Variants in ATG16L2 observed in about 807,000 individuals in gnomAD.
ATG16L2 encodes the protein protein Atg16l2.
A neutral mutation model predicts 84.7 loss-of-function variants in ATG16L2; 77 were observed. The observed-to-expected ratio is 0.91, with a 90% CI of 0.76 to 1.10. The LOEUF (loss-of-function observed/expected upper bound fraction) is 1.10, where lower values mean the gene tolerates loss of function less well. ATG16L2 is among the 50% of genes least tolerant of loss of function. The pLI, the probability that ATG16L2 is intolerant of heterozygous loss-of-function variation, is 0.00. For missense variants in ATG16L2, 782 were observed against 817.6 expected, an observed-to-expected ratio of 0.96 and a Z score of 0.53; for synonymous variants, 361 against 342.8, an observed-to-expected ratio of 1.05 and a Z score of -0.59.
rs1476269445 is a variant in ATG16L2, at chr11:72,826,247, AG to A, written c.1173+6del. On this transcript the variant is annotated splice_donor_5th_base_variant and intron_variant, in intron 11 of 17. Transcript: ENST00000321297. Reference sequence around the variant, plus strand: ...CAGTGTGGACTTTGACCCCTCGGTGAGGAACTCTGCCCCAGTGGCATGGGAT... The same window carrying A: ...CAGTGTGGACTTTGACCCCTCGGTGAGAACTCTGCCCCAGTGGCATGGGAT... 6.2e-7 allele frequency: 1 copy of A among 1,613,390 alleles called. No individual in the cohort carries two copies. The highest frequency in any genetic ancestry group is 1.3e-5 in the African/African-American group (1 of 74,918).
At chr11:72,834,556 A>G (rs1390794102), downstream of ATG16L2, among the ~76,000 whole-genome samples, 2 of 151,460 alleles carry the variant, frequency 1.3e-5, no homozygotes, top group Non-Finnish European at 2.9e-5. Flanking sequence ...AGAGTTAGAT[A>G]AGCCCTGGGA....
rs372685355 is a variant in ATG16L2, at chr11:72,841,611, G to A, written c.*22-1006G>A. 40 of 1,568,550 alleles carry A rather than the reference G, an allele frequency of 2.6e-5. 1 individual carries two copies. In the East Asian group the frequency reaches 2.7e-4, roughly 11 times the overall value. On this transcript the variant is annotated intron_variant, in intron 5 of 5. Transcript: ENST00000534905. Reference sequence around the variant, plus strand: ...GCAGCAAAGGGAAGCGAGGTTACCCGGTGCTCCCCTCCAGGAAGGAGAGCC... The same window carrying A: ...GCAGCAAAGGGAAGCGAGGTTACCCAGTGCTCCCCTCCAGGAAGGAGAGCC...
At position 72,829,397 on chromosome 11, in the gene ATG16L2, G is replaced by A. The variant is rs759361205; in HGVS notation, c.*7G>A. The A allele has an allele frequency of 1.2e-5, 20 of 1,608,104 alleles. No individual in the cohort carries two copies. Among genetic ancestry groups the A allele is most frequent in the Middle Eastern group, 2.1e-4 (1 of 4,716 alleles). ...GGTTGTGCTCTGGCAGTAGGGCCACGACCTGCCTGCCTGGGCTGGAGCTCT... is the reference window on the plus strand; with the variant it reads ...GGTTGTGCTCTGGCAGTAGGGCCACAACCTGCCTGCCTGGGCTGGAGCTCT... On this transcript the variant is annotated 3_prime_UTR_variant, in exon 18 of 18. Coordinates refer to ENST00000321297, the MANE Select transcript of ATG16L2 (RefSeq NM_033388.2).
chr11:72,823,975 C>G (rs755734270), intron 7 of ATG16L2, 85 bp from the exon 8 acceptor site: 389 of 1,489,632 alleles, frequency 2.6e-4, no homozygotes, highest in Non-Finnish European at 3.5e-4. Flanking sequence ...GCCTCCAGGT[C>G]TCTGGCAAAG....
rs1273538043 is a variant in ATG16L2, at chr11:72,828,371, C to T, written c.1485C>T (p.Cys495=). 4 of 1,614,028 alleles carry T rather than the reference C, an allele frequency of 2.5e-6. No individual in the cohort carries two copies. The highest frequency in any genetic ancestry group is 1.1e-5 in the South Asian group (1 of 91,090). The part of the protein sequence containing the change: ...IRFWDSRGPH[C]TQVIPVQGRV... ...CCTTGTTCCTCAGGGGGCCCCACTG[C>T]ACCCAGGTCATCCCTGTGCAGGGCC... Residue 495 remains cysteine (C), a synonymous_variant, in exon 15 of 18, where the codon TGC becomes TGT. Transcript: ENST00000321297.
Position 72,828,520 on chromosome 11 carries a change from A to C in ATG16L2, c.1622+12A>C. ...CGCCAGGTGTTCAGGTACCAGCCTC[A>C]TGCCTGCTGACCCTGTGGCCTTTGC... On this transcript the variant is annotated intron_variant, in intron 15 of 17. Transcript: ENST00000321297. 50 of 1,613,474 alleles carry C rather than the reference A, an allele frequency of 3.1e-5. No homozygotes were observed. Among genetic ancestry groups the C allele is most frequent in the Non-Finnish European group, 3.6e-5 (42 of 1,179,412 alleles).
Position 72,824,073 on chromosome 11 carries a change from A to G in ATG16L2, c.838A>G (p.Thr280Ala). ...WKRPFRSASA[T>A]SLTLSHCVDV... ...GTTTTGTCTCAGGTCTGCCTCAGCC[A>G]CCTCCCTGACGCTGTCCCACTGTGT... The change falls in exon 8 of 18, where the codon ACC becomes GCC. Residue 280 changes from threonine to alanine, a missense_variant. Transcript: ENST00000321297. The G allele has an allele frequency of 6.2e-7, 1 of 1,613,928 alleles. No individual in the cohort carries two copies. Among genetic ancestry groups the G allele is most frequent in the South Asian group, 1.1e-5 (1 of 91,068 alleles).
intron 8 of ATG16L2, 114 bp downstream of exon 8, chr11:72,824,236 C>A: frequency 1.5e-6 from 2 of 1,321,896 alleles, no homozygotes; most frequent in Non-Finnish European, 2.2e-6. Context: ...AGCTGTCTGC[C>A]TGTGAGTCTG....
At chr11:72,823,896 G>C in intron 7 of ATG16L2, 164 bp from the exon 8 acceptor site, 1 of 816,790 alleles carries the variant, frequency 1.2e-6, no homozygotes, top group Middle Eastern at 2.2e-4. Context: ...TCCTGGGACT[G>C]ATCTGGGTCA....
At chr11:72,831,318 G>T (rs1047385863), downstream of ATG16L2, among the ~76,000 whole-genome samples, 3 of 152,192 alleles carry the variant, frequency 2.0e-5, no homozygotes, top group African/African-American at 7.2e-5. Flanking sequence ...ACCAACCTGA[G>T]CAACATAGTG....
intron 1 of ATG16L2, chr11:72,816,112 G>A (rs552011029): frequency 6.5e-6 from 1 of 152,678 alleles, no homozygotes; most frequent in African/African-American, 2.4e-5. Flanking sequence ...CCGAGTAGCT[G>A]GGACTACAGG....
chr11:72,814,702 C>A, intron 1 of ATG16L2, 139 bp downstream of exon 1: 1 of 614,732 alleles, frequency 1.6e-6, no homozygotes, highest in Non-Finnish European at 2.5e-6. Flanking sequence ...TACGCCCATC[C>A]CGACTGCCAG....
Position 72,822,302 on chromosome 11 carries a change from G to C in ATG16L2, c.644+7G>C, listed in dbSNP as rs1278721146. The C allele has an allele frequency of 2.0e-6, 3 of 1,516,246 alleles. No individual in the cohort carries two copies. In the Admixed American group the frequency reaches 6.7e-5, roughly 34 times the overall value. 93.9% of individuals were successfully genotyped at this position (1,516,246 alleles called of 1,614,324 possible). On this transcript the variant is annotated splice_region_variant and intron_variant, in intron 5 of 17. Transcript: ENST00000321297. This position sits in a 1 kb window ranked among gnomAD's most constrained non-coding sequence, Gnocchi z 4.2. The stretch of plus-strand genomic sequence containing the variant: ...GCAACGAGCGCCGGGAGCGGTGAGG[G>C]AGCAGGCCCCGCCCCTCCTGAGGAA...
In ATG16L2 at chr11:72,816,364, ATT is replaced by A; in HGVS notation, c.119-362_119-361del. 11 of 181,580 alleles carry A rather than the reference ATT, an allele frequency of 6.1e-5. No individual in the cohort carries two copies. The East Asian group carries it at 1.1e-3, about 18-fold the overall frequency. 11.2% of individuals were successfully genotyped at this position (181,580 alleles called of 1,614,324 possible). A position where few individuals can be genotyped will look rare whatever the true frequency, so the allele number is the denominator to read the frequency against. ...GCCATTGACAGGTAGAGCTCGGTTT[ATT>A]TCATCACTTTCTGGGGCTAAGCCTT... is the stretch of plus-strand genomic sequence containing the variant. On this transcript the variant is annotated intron_variant, in intron 1 of 17. Transcript: ENST00000321297.
chr11:72,822,282 G>C lies in ATG16L2; in HGVS notation c.631G>C (p.Glu211Gln). The change falls in exon 5 of 18, where the codon GAG (glutamate) becomes CAG (glutamine). Residue 211 changes from glutamate to glutamine, a missense_variant. By Grantham distance (29) the Glu-to-Gln change is conservative. Transcript: ENST00000321297. This position sits in a 1 kb window ranked among gnomAD's most constrained non-coding sequence, Gnocchi z 4.2. Reference protein sequence around the residue: ...RAAAERNLRNERRERAKQARV... With the variant: ...RAAAERNLRNQRRERAKQARV... ...CGCGGCCGAGCGCAACCTGCGCAACGAGCGCCGGGAGCGGTGAGGGAGCAG... is the reference window on the plus strand; with the variant it reads ...CGCGGCCGAGCGCAACCTGCGCAACCAGCGCCGGGAGCGGTGAGGGAGCAG... The C allele has an allele frequency of 6.6e-7, 1 of 1,509,316 alleles. No individual in the cohort carries two copies. Among genetic ancestry groups the C allele is most frequent in the Non-Finnish European group, 8.8e-7 (1 of 1,138,146 alleles). The allele number at this position is 1,509,316 out of a possible 1,614,324, so 93.5% of individuals were successfully genotyped here.
At chr11:72,814,740 G>C (rs1388224832) in intron 1 of ATG16L2, among the ~76,000 whole-genome samples, 177 bp downstream of exon 1, 1 of 152,218 alleles carries the variant, frequency 6.6e-6, no homozygotes, top group Non-Finnish European at 1.5e-5. Context: ...TCCAGGCTCT[G>C]GTTAGAACCT....
chr11:72,817,674 C>T (rs561223655), intron 2 of ATG16L2, 82 bp from the exon 3 acceptor site: 667 of 1,381,954 alleles, frequency 4.8e-4, no homozygotes, highest in Admixed American at 7.0e-4. Flanking sequence ...TTGTTTTAGG[C>T]TTTTCATGTA....
chr11:72,841,022 G>A, intron 5 of ATG16L2: 2 of 1,247,704 alleles, frequency 1.6e-6, no homozygotes, highest in Admixed American at 1.8e-5. Flanking sequence ...GCTGATGCAA[G>A]GCTGGCATGG....
Position 72,828,463 on chromosome 11 carries a change from T to A in ATG16L2, c.1577T>A (p.Leu526His). The change falls in exon 15 of 18, where the codon CTC becomes CAC. Residue 526 changes from leucine to histidine, a missense_variant. By Grantham distance (99) the Leu-to-His change is moderately conservative (BLOSUM62 -3). Coordinates refer to ENST00000321297, the MANE Select transcript of ATG16L2 (RefSeq NM_033388.2). ...HLLSCSRDNT[L>H]KVIDLRVSNI... ...CTCAGCTGTTCCCGAGACAACACAC[T>A]CAAGGTCATCGACCTGCGTGTCAGC... 6.2e-7 allele frequency: 1 copy of A among 1,614,144 alleles called. No individual in the cohort carries two copies. Among genetic ancestry groups the A allele is most frequent in the South Asian group, 1.1e-5 (1 of 91,084 alleles).
Sources: allele counts gnomAD v4.1 joint callset (sites outside exome capture counted in the v4.1 genomes callset), GRCh38; gene constraint gnomAD v4.1.1; non-coding constraint Gnocchi (gnomAD v3.1); transcripts MANE v1.5; gene names NCBI Gene and HGNC (gene_info 2026-07-23, HGNC 2026-07-21).